The following DOCK8 variants were observed in gnomAD, a reference collection of about 807,000 sequenced individuals.
The protein encoded by DOCK8 is dedicator of cytokinesis 8.
Under a neutral mutation model 245.6 loss-of-function variants are expected in DOCK8, and 141 were observed. The observed-to-expected ratio is 0.57, with a 90% CI of 0.50 to 0.66. The LOEUF is 0.66. Among genes scored for constraint, DOCK8 ranks in the 30% least tolerant of loss-of-function variants. The pLI is 0.00. For synonymous variants in DOCK8, 1,168 were observed against 970.2 expected, an observed-to-expected ratio of 1.20 and a Z score of -3.79; for missense variants, 2,965 against 2,603.4, an observed-to-expected ratio of 1.14 and a Z score of -3.02.
intron 2 of DOCK8, among the ~76,000 whole-genome samples, chr9:274,964 T>G (rs1369039763): frequency 6.6e-6 from 1 of 152,252 alleles, no homozygotes; most frequent in Non-Finnish European, 1.5e-5. Context: ...AGTCAAGTTA[T>G]TTAGAACCTA....
At chr9:288,939 T>G (rs1439307033) in intron 3 of DOCK8, among the ~76,000 whole-genome samples, 1 of 152,252 alleles carries the variant, frequency 6.6e-6, no homozygotes, top group African/African-American at 2.4e-5. Flanking sequence ...CTACAATTGT[T>G]ATTTTTGATT....
chr9:303,670 A>G lies in DOCK8; in HGVS notation c.405-911A>G, dbSNP rs1395606230. Among the ~76,000 whole-genome samples the G allele has an allele frequency of 2.0e-5, 3 of 152,348 alleles. No homozygotes were observed. The East Asian group carries it at 5.8e-4, about 29-fold the overall frequency. ...GGAGGATGGAAGCAGGTGTGGGTTGAAAAACTGCCTATTGAGTACCATGGT... is the reference window on the plus strand; with the variant it reads ...GGAGGATGGAAGCAGGTGTGGGTTGGAAAACTGCCTATTGAGTACCATGGT... On this transcript the variant is annotated intron_variant, in intron 4 of 47. Coordinates refer to ENST00000432829, the MANE Select transcript of DOCK8 (RefSeq NM_203447.4).
intron 26 of DOCK8, 122 bp downstream of exon 26, chr9:399,381 C>T (rs1021193721): frequency 2.6e-6 from 2 of 768,106 alleles, no homozygotes; most frequent in Middle Eastern, 3.2e-4. Context: ...TCCTACACAT[C>T]CTGTGTTTTG....
chr9:396,683 T>C (rs1377404453), intron 24 of DOCK8, 102 bp from the exon 25 acceptor site: 1 of 1,508,820 alleles, frequency 6.6e-7, no homozygotes, highest in Non-Finnish European at 9.2e-7. Flanking sequence ...TGTCAGAAAA[T>C]CCATTGTTAG....
At chr9:389,745 G>A (rs1207795889) in intron 23 of DOCK8, among the ~76,000 whole-genome samples, 1 of 152,180 alleles carries the variant, frequency 6.6e-6, no homozygotes, top group Non-Finnish European at 1.5e-5. Flanking sequence ...GCCGGGCGTA[G>A]TGGCTCACAC....
In DOCK8 at chr9:446,539, C is replaced by T. The variant is rs1209512950; in HGVS notation, c.5750C>T (p.Thr1917Ile). Residue 1917 changes from threonine to isoleucine, a missense_variant, in exon 44 of 48, where the codon ACA becomes ATA. By Grantham distance (89) the Thr-to-Ile change is moderately conservative. Coordinates refer to ENST00000432829, the MANE Select transcript of DOCK8 (RefSeq NM_203447.4). ...CTGCATGAGCAGTACAGAAGGAACA[C>T]AGTCCTGACCACTATGCACGCCTTC... ...GELHEQYRRN[T>I]VLTTMHAFPY... is the part of the protein sequence containing the mutation. The T allele has an allele frequency of 6.2e-7, 1 of 1,614,214 alleles. No individual in the cohort carries two copies.
intron 1 of DOCK8, among the ~76,000 whole-genome samples, chr9:218,386 G>T (rs2046810582): frequency 1.3e-5 from 2 of 152,200 alleles, no homozygotes; most frequent in South Asian, 2.1e-4. Flanking sequence ...CTATCTCACA[G>T]TCTGAGAAGA....
chr9:451,362 C>T (rs1388750944), intron 45 of DOCK8, among the ~76,000 whole-genome samples: 1 of 151,786 alleles, frequency 6.6e-6, no homozygotes, highest in Non-Finnish European at 1.5e-5. Flanking sequence ...GGTGCGCACG[C>T]CTGTAATCCC....
At chr9:418,275 T>C (rs1220193583) in intron 30 of DOCK8, 68 bp downstream of exon 30, 10 of 1,600,250 alleles carry the variant, frequency 6.2e-6, no homozygotes, top group African/African-American at 1.3e-5. Context: ...TTTGTTTTGT[T>C]TGTTTGTTTG....
intron 6 of DOCK8, among the ~76,000 whole-genome samples, chr9:313,598 G>A (rs942688216): frequency 6.6e-6 from 1 of 152,198 alleles, no homozygotes; most frequent in Non-Finnish European, 1.5e-5. Context: ...GGTGGTTATA[G>A]CAGGGGCTGT....
intron 15 of DOCK8, 100 bp from the exon 16 acceptor site, chr9:370,130 G>A: frequency 9.8e-7 from 1 of 1,021,772 alleles, no homozygotes; most frequent in Non-Finnish European, 1.5e-6. Flanking sequence ...TGTACAAAAT[G>A]CAGCTCTATG....
intron 2 of DOCK8, among the ~76,000 whole-genome samples, chr9:277,603 A>G (rs570966873): frequency 5.6e-4 from 84 of 148,842 alleles, no homozygotes; most frequent in African/African-American, 2.2e-3. Flanking sequence ...TCTATGCCCT[A>G]AGGAAGTAAG....
At chr9:423,719 T>TA (rs1801329187) in intron 33 of DOCK8, among the ~76,000 whole-genome samples, 1 of 152,210 alleles carries the variant, frequency 6.6e-6, no homozygotes, top group African/African-American at 2.4e-5. Flanking sequence ...TGGACTGATT[T>TA]ATAAAATACT....
rs935652426 is a variant in DOCK8 at position 233,328 on chromosome 9, A to G, written c.53+18299A>G. ...TGCTTTACTGCCAACTATGTGGTCA[A>G]TTTTGGAATAGGTGTGGTGTGGTGC... is the stretch of plus-strand genomic sequence containing the variant. On this transcript the variant is annotated intron_variant, in intron 1 of 47. Transcript: ENST00000432829. Among the ~76,000 whole-genome samples the G allele has an allele frequency of 5.7e-3, 868 of 152,196 alleles. 8 individuals carry two copies. Among genetic ancestry groups the G allele is most frequent in the African/African-American group, 0.019 (799 of 41,518 alleles).
At chr9:388,579 C>G (rs10973588) in intron 23 of DOCK8, among the ~76,000 whole-genome samples, 25,414 of 148,600 alleles carry the variant, frequency 0.17, 2,663 homozygotes, top group Middle Eastern at 0.26. Flanking sequence ...GAAACAGAGT[C>G]TCACTTACTC....
At chr9:368,281 G>T (rs2053108435) in intron 15 of DOCK8, 146 bp downstream of exon 15, 2 of 794,294 alleles carry the variant, frequency 2.5e-6, no homozygotes, top group Non-Finnish European at 4.6e-6. Context: ...CTGTGCCCAG[G>T]ATATCAGTGG....
chr9:324,108 G>A (rs770892825), intron 7 of DOCK8, among the ~76,000 whole-genome samples: 5 of 152,206 alleles, frequency 3.3e-5, no homozygotes, highest in African/African-American at 4.8e-5. Context: ...ACCTGATTAG[G>A]GTCGCAGAAT....
intron 20 of DOCK8, among the ~76,000 whole-genome samples, chr9:379,231 A>T (rs1197692794): frequency 6.6e-6 from 1 of 152,202 alleles, no homozygotes; most frequent in Non-Finnish European, 1.5e-5. Context: ...CTATGCAGTA[A>T]ATCAAATGTG....
intron 28 of DOCK8, among the ~76,000 whole-genome samples, chr9:409,016 C>T (rs2055580935): frequency 6.6e-6 from 1 of 152,158 alleles, no homozygotes; most frequent in Admixed American, 6.5e-5. Context: ...CCTGGAAAGT[C>T]ATTAGATACA....
Sources: allele counts gnomAD v4.1 joint callset (sites outside exome capture counted in the v4.1 genomes callset), GRCh38; gene constraint gnomAD v4.1.1; transcripts MANE v1.5; gene names NCBI Gene and HGNC (gene_info 2026-07-23, HGNC 2026-07-21).